NARS2: variants seen among roughly 807,000 people sequenced by gnomAD.
NARS2 encodes the protein asparaginyl-tRNA synthetase.
A neutral mutation model predicts 62.9 loss-of-function variants in NARS2; 60 were observed. The observed-to-expected ratio is 0.95, with a 90% CI of 0.77 to 1.18. The LOEUF is 1.18. Among genes scored for constraint, NARS2 ranks in the 50% most tolerant of loss-of-function variants. The pLI is 0.00. For synonymous variants in NARS2, 196 were observed against 200.0 expected (o/e 0.98, Z 0.17); for missense variants, 619 against 576.4 (o/e 1.07, Z -0.76).
At chr11:78,483,125 C>G (rs984888719) in intron 7 of NARS2, among the ~76,000 whole-genome samples, 1 of 152,132 alleles carries the variant, frequency 6.6e-6, no homozygotes, top group Non-Finnish European at 1.5e-5. Context: ...ATAAACAGAA[C>G]CAATGACAAA....
chr11:78,563,242 A>G (rs951932583), intron 4 of NARS2, among the ~76,000 whole-genome samples: 7 of 128,560 alleles, frequency 5.4e-5, no homozygotes, highest in African/African-American at 1.8e-4. Flanking sequence ...TTTTTGAGAC[A>G]GAGTCTTACT....
chr11:78,574,496 C>T lies in NARS2; in HGVS notation c.-8G>A. The T allele has an allele frequency of 6.2e-7, 1 of 1,605,710 alleles. No individual in the cohort carries two copies. The highest frequency in any genetic ancestry group is 8.5e-7 in the Non-Finnish European group (1 of 1,176,670). On this transcript the variant is annotated 5_prime_UTR_variant, in exon 1 of 14. Coordinates refer to ENST00000281038, the MANE Select transcript of NARS2 (RefSeq NM_024678.6). ...GCAGCGGACCCCCAGCATCCCGCGT[C>T]CGCCCAGGCCCTCCGCGGGAGCAGC... is the stretch of plus-strand genomic sequence containing the variant.
intron 6 of NARS2, among the ~76,000 whole-genome samples, chr11:78,521,096 G>A (rs1353566009): frequency 5.4e-5 from 8 of 148,840 alleles, no homozygotes; most frequent in Admixed American, 1.3e-4. Flanking sequence ...TGATGGGTGC[G>A]AAGAGGAAAA....
intron 4 of NARS2, among the ~76,000 whole-genome samples, chr11:78,561,779 G>A (rs1030684758): frequency 1.3e-5 from 2 of 152,192 alleles, no homozygotes; most frequent in African/African-American, 4.8e-5. Flanking sequence ...CCATAAAGAG[G>A]CCAGGAGCAG....
At position 78,487,131 on chromosome 11, in the gene NARS2, G is replaced by T. The variant is rs186077825; in HGVS notation, c.822+5932C>A. Among the ~76,000 whole-genome samples the T allele has an allele frequency of 5.1e-3, 782 of 152,034 alleles. 4 individuals carry two copies. Among genetic ancestry groups the T allele is most frequent in the African/African-American group, 0.018 (758 of 41,488 alleles). On this transcript the variant is annotated intron_variant, in intron 7 of 13. Coordinates refer to ENST00000281038, the MANE Select transcript of NARS2 (RefSeq NM_024678.6). The stretch of plus-strand genomic sequence containing the variant: ...AGCACTTTGGGAGTCTGAGGTGGGC[G>T]GATCACTTGAGGTCAGGAGTTTGAG...
chr11:78,520,740 T>C (rs1055835026), intron 6 of NARS2, among the ~76,000 whole-genome samples: 3 of 152,168 alleles, frequency 2.0e-5, no homozygotes, highest in African/African-American at 7.2e-5. Flanking sequence ...TTGTTCCTAA[T>C]TATGTTAAGT....
At chr11:78,502,586 CT>C (rs1453321571) in intron 6 of NARS2, among the ~76,000 whole-genome samples, 1 of 152,194 alleles carries the variant, frequency 6.6e-6, no homozygotes, top group African/African-American at 2.4e-5. Flanking sequence ...GGGTATGGGC[CT>C]TCCTTTTGGG....
At chr11:78,484,926 C>T (rs990816718) in intron 7 of NARS2, among the ~76,000 whole-genome samples, 1 of 152,230 alleles carries the variant, frequency 6.6e-6, no homozygotes, top group African/African-American at 2.4e-5. Flanking sequence ...TATAAAGACA[C>T]ATGCACACAT....
intron 6 of NARS2, 81 bp from the exon 7 acceptor site, chr11:78,493,276 G>GAAAATAAAGTTTTGTGTGCCTCTGTC: frequency 7.1e-7 from 1 of 1,399,126 alleles, no homozygotes; most frequent in East Asian, 2.4e-5. Flanking sequence ...AGCTCTTACG[G>GAAAATAAAGTTTTGTGTGCCTCTGTC]AAAATAAAGT....
Position 78,444,805 on chromosome 11 carries a change from A to G in NARS2, c.1165-1047T>C, listed in dbSNP as rs188413757. 1.7e-3 allele frequency among the ~76,000 whole-genome samples: 266 copies of G among 152,256 alleles called. 3 individuals are homozygous for G. The highest frequency in any genetic ancestry group is 6.8e-3 in the Middle Eastern group (2 of 294). On this transcript the variant is annotated intron_variant, in intron 11 of 13. Transcript: ENST00000281038. ...GAAAGAAAAAATATAGGAAAATAAA[A>G]TAAAGAATACAGATTATAGAATGGA...
chr11:78,476,873 A>C (rs75288475), intron 9 of NARS2, among the ~76,000 whole-genome samples: 1 of 152,162 alleles, frequency 6.6e-6, no homozygotes, highest in South Asian at 2.1e-4. Flanking sequence ...TACCCTCCCA[A>C]ATATATGAAA....
chr11:78,538,083 T>C (rs888125372), intron 5 of NARS2, among the ~76,000 whole-genome samples: 1 of 152,194 alleles, frequency 6.6e-6, no homozygotes, highest in Non-Finnish European at 1.5e-5. Flanking sequence ...AATCATTCCT[T>C]TGTCTGGGGT....
At chr11:78,558,597 A>C (rs977373478) in intron 5 of NARS2, 2 of 152,226 alleles carry the variant, frequency 1.3e-5, no homozygotes, top group Non-Finnish European at 2.9e-5. Flanking sequence ...CAACCGGCTA[A>C]TGATTTTAAA....
rs367705122 is a variant in NARS2, at chr11:78,501,159, T to C, written c.690-7964A>G. 2.6e-5 allele frequency among the ~76,000 whole-genome samples: 4 copies of C among 152,320 alleles called. No individual in the cohort carries two copies. In the South Asian group the frequency reaches 8.3e-4, roughly 32 times the overall value. ...CATTATGTGTTACAAATAACATATT[T>C]TTTATGAAACATAATTTTTTCCCAA... is the stretch of plus-strand genomic sequence containing the variant. On this transcript the variant is annotated intron_variant, in intron 6 of 13. Coordinates refer to ENST00000281038, the MANE Select transcript of NARS2 (RefSeq NM_024678.6).
chr11:78,492,034 A>T (rs1220066363), intron 7 of NARS2, among the ~76,000 whole-genome samples: 1 of 151,838 alleles, frequency 6.6e-6, no homozygotes, highest in African/African-American at 2.4e-5. Flanking sequence ...TCATAATTTA[A>T]CAGTTAACAA....
intron 6 of NARS2, among the ~76,000 whole-genome samples, chr11:78,521,050 C>T (rs1346903162): frequency 7.2e-6 from 1 of 139,570 alleles, no homozygotes; most frequent in East Asian, 2.0e-4. Flanking sequence ...CAGAGCAAGA[C>T]TCTGTCTCCA....
chr11:78,486,320 G>A (rs1859573069), intron 7 of NARS2, among the ~76,000 whole-genome samples: 1 of 152,018 alleles, frequency 6.6e-6, no homozygotes, highest in Admixed American at 6.5e-5. Context: ...GCCAGACAGT[G>A]TGAAGGAAAT....
Position 78,457,845 on chromosome 11 carries a change from T to C in NARS2, c.1164+8031A>G, listed in dbSNP as rs928842593. Among the ~76,000 whole-genome samples the C allele has an allele frequency of 3.8e-4, 57 of 151,720 alleles. 1 individual carries two copies. Among genetic ancestry groups the C allele is most frequent in the Admixed American group, 3.5e-3 (53 of 15,218 alleles). On this transcript the variant is annotated intron_variant, in intron 11 of 13. Transcript: ENST00000281038. Reference sequence around the variant, plus strand: ...ACACACACAAACACACACACACACATTGTACTTTATCATAAGATTTTATCA... The same window carrying C: ...ACACACACAAACACACACACACACACTGTACTTTATCATAAGATTTTATCA...
chr11:78,530,463 TTAA>T (rs1281045610), intron 5 of NARS2, among the ~76,000 whole-genome samples: 3 of 152,176 alleles, frequency 2.0e-5, no homozygotes, highest in Non-Finnish European at 2.9e-5. Context: ...AAGTCTGGTC[TTAA>T]TAATAAGATT....
Sources: allele counts gnomAD v4.1 joint callset (sites outside exome capture counted in the v4.1 genomes callset), GRCh38; gene constraint gnomAD v4.1.1; transcripts MANE v1.5; gene names NCBI Gene and HGNC (gene_info 2026-07-23, HGNC 2026-07-21).